The following SAMD12 variants were observed in gnomAD, a reference collection of about 807,000 sequenced individuals.
The protein encoded by SAMD12 is sterile alpha motif domain containing 12, also known as sterile alpha motif domain-containing protein 12.
In SAMD12, 9 loss-of-function variants were observed where a neutral mutation model predicts 15.0. The observed-to-expected ratio is 0.60, with a 90% CI of 0.36 to 1.05. The LOEUF is 1.05. Ranked by LOEUF, SAMD12 falls within the 50% of genes least tolerant of loss-of-function variation. SAMD12 has a pLI of 0.01. For synonymous variants in SAMD12, 86 were observed against 90.1 expected, an observed-to-expected ratio of 0.96 and a Z score of 0.25; for missense variants, 230 against 234.2, an observed-to-expected ratio of 0.98 and a Z score of 0.12.
At chr8:118,440,657 A>AACACACACACACACATAC (rs1822715536) in intron 2 of SAMD12, among the ~76,000 whole-genome samples, 2 of 142,130 alleles carry the variant, frequency 1.4e-5, no homozygotes, top group African/African-American at 5.4e-5. Context: ...TTATGAGGAA[A>AACACACACACACACATAC]ACACACACAC....
At chr8:118,310,778 C>G (rs28558308) in intron 4 of SAMD12, among the ~76,000 whole-genome samples, 73,670 of 152,106 alleles carry the variant, frequency 0.48, 20,697 homozygotes, top group African/African-American at 0.79. Flanking sequence ...CAACAATTTC[C>G]TAAGCATCTA....
intron 4 of SAMD12, among the ~76,000 whole-genome samples, chr8:118,244,000 G>A (rs1019118805): frequency 6.6e-6 from 1 of 152,020 alleles, no homozygotes; most frequent in African/African-American, 2.4e-5. Flanking sequence ...AGATGAAGCC[G>A]AGTTTTATAT....
At chr8:118,160,263 T>C in the SAMD12 span, among the ~76,000 whole-genome samples, 3 of 152,240 alleles carry the variant, frequency 2.0e-5, no homozygotes, top group South Asian at 2.1e-4. Context: ...GAGAGATAGA[T>C]ATACTATGTC....
At chr8:118,551,296 T>C (rs1219163433) in intron 2 of SAMD12, among the ~76,000 whole-genome samples, 3 of 150,504 alleles carry the variant, frequency 2.0e-5, no homozygotes, top group Non-Finnish European at 4.4e-5. Flanking sequence ...CCTCAGCAAA[T>C]GTAAAAGAAC....
intron 4 of SAMD12, among the ~76,000 whole-genome samples, chr8:118,236,467 C>T (rs574820001): frequency 8.3e-4 from 126 of 152,136 alleles, no homozygotes; most frequent in South Asian, 2.7e-3. Flanking sequence ...AAATTTAGGA[C>T]GGGGCAATTC....
At chr8:118,303,357 GAAC>G (rs1295147295) in intron 4 of SAMD12, among the ~76,000 whole-genome samples, 4 of 152,120 alleles carry the variant, frequency 2.6e-5, no homozygotes, top group Non-Finnish European at 5.9e-5. Context: ...TTATAAACAA[GAAC>G]AACAACTGTA....
At chr8:118,412,758 C>T (rs187417434) in intron 3 of SAMD12, among the ~76,000 whole-genome samples, 1 of 152,258 alleles carries the variant, frequency 6.6e-6, no homozygotes, top group East Asian at 1.9e-4. Context: ...GAAATCTTAA[C>T]TCACAGAATG....
chr8:118,296,616 T>C (rs189596348), intron 4 of SAMD12, among the ~76,000 whole-genome samples: 6 of 152,364 alleles, frequency 3.9e-5, no homozygotes, highest in Admixed American at 1.3e-4. Flanking sequence ...CCAGTCAACA[T>C]TGGTGGAAAG....
chr8:118,159,599 A>G, the SAMD12 span, among the ~76,000 whole-genome samples: 1 of 152,224 alleles, frequency 6.6e-6, no homozygotes, highest in Non-Finnish European at 1.5e-5. Context: ...ATCCTGTGAC[A>G]GTCTAATTCA....
intron 2 of SAMD12, among the ~76,000 whole-genome samples, chr8:118,575,992 C>A (rs946246529): frequency 1.4e-5 from 2 of 147,496 alleles, no homozygotes; most frequent in African/African-American, 4.9e-5. Flanking sequence ...AGTATTTCGA[C>A]TTTTTTTTTT....
chr8:118,511,443 T>G (rs1353431543), intron 2 of SAMD12, among the ~76,000 whole-genome samples: 2 of 142,436 alleles, frequency 1.4e-5, no homozygotes, highest in Non-Finnish European at 3.1e-5. Context: ...ACCTCTTGTT[T>G]TTGTTTTTGT....
chr8:118,287,655 A>G (rs1372639154), intron 4 of SAMD12, among the ~76,000 whole-genome samples: 1 of 152,104 alleles, frequency 6.6e-6, no homozygotes, highest in Non-Finnish European at 1.5e-5. Context: ...ATTAAGAGGA[A>G]AGAAAGAAAG....
At chr8:118,160,170 A>G in the SAMD12 span, among the ~76,000 whole-genome samples, 1 of 152,260 alleles carries the variant, frequency 6.6e-6, no homozygotes, top group African/African-American at 2.4e-5. Flanking sequence ...TTTAAAGACT[A>G]ATTTGACAAA....
chr8:118,460,177 T>A (rs1000577991), intron 2 of SAMD12, among the ~76,000 whole-genome samples: 2 of 152,258 alleles, frequency 1.3e-5, no homozygotes, highest in African/African-American at 4.8e-5. Context: ...TTTTCTTCTA[T>A]GAATTACTAT....
chr8:118,499,108 G>A (rs981538746), intron 2 of SAMD12, among the ~76,000 whole-genome samples: 4 of 152,204 alleles, frequency 2.6e-5, no homozygotes, highest in Admixed American at 6.5e-5. Context: ...TACATGTCCA[G>A]TATAGAGGCT....
chr8:118,184,867 T>C (rs114859108), downstream of SAMD12, among the ~76,000 whole-genome samples: 1,965 of 152,062 alleles, frequency 0.013, 57 homozygotes, highest in African/African-American at 0.045. Context: ...GAATAGAGTG[T>C]CATCAAAGGG....
chr8:118,367,040 T>A (rs1001269040), intron 4 of SAMD12, among the ~76,000 whole-genome samples: 1 of 151,920 alleles, frequency 6.6e-6, no homozygotes, highest in African/African-American at 2.4e-5. Flanking sequence ...AACTTTAGAG[T>A]CCATTCACAG....
chr8:118,238,685 T>C (rs781192709), intron 4 of SAMD12, among the ~76,000 whole-genome samples: 1 of 152,192 alleles, frequency 6.6e-6, no homozygotes, highest in African/African-American at 2.4e-5. Context: ...TGCAAGAGAT[T>C]AGACAAAAAG....
At chr8:118,449,785 A>G (rs1363896274) in intron 2 of SAMD12, among the ~76,000 whole-genome samples, 4 of 126,296 alleles carry the variant, frequency 3.2e-5, no homozygotes, top group African/African-American at 1.3e-4. Flanking sequence ...TGGGCATCAG[A>G]GCGAGACTGT....
Sources: allele counts gnomAD v4.1 joint callset (sites outside exome capture counted in the v4.1 genomes callset), GRCh38; gene constraint gnomAD v4.1.1; transcripts MANE v1.5; gene names NCBI Gene and HGNC (gene_info 2026-07-23, HGNC 2026-07-21).